Variants in MYH13 observed in about 807,000 individuals in gnomAD.
MYH13 encodes myosin heavy chain 13.
In MYH13, 177 loss-of-function variants were observed where a neutral mutation model predicts 232.1. The observed-to-expected ratio is 0.76, with a 90% confidence interval of 0.67 to 0.86. MYH13 has a LOEUF of 0.86. Ranked by LOEUF, MYH13 falls within the 40% of genes least tolerant of loss-of-function variation. The pLI, the probability that MYH13 is intolerant of heterozygous loss-of-function variation, is 0.00. For missense variants in MYH13, 2,246 were observed against 2,405.9 expected, an observed-to-expected ratio of 0.93 and a Z score of 1.39; for synonymous variants, 884 against 923.5, an observed-to-expected ratio of 0.96 and a Z score of 0.78.
rs775259767 is a variant in MYH13 at position 10,303,491 on chromosome 17, T to A, written c.5474A>T (p.Glu1825Val). ...QIQKLENRVRELENELDVEQK... is the reference protein window; with the variant it reads ...QIQKLENRVRVLENELDVEQK... ...TTCCACATCAAGCTCATTTTCCAGC[T>A]CCCGCACCTGAGTAGGATGAAAGGA... The change falls in exon 38 of 41, where the codon GAG becomes GTG. Residue 1825 changes from glutamate (E) to valine (V), a missense_variant. By Grantham distance (121) the Glu-to-Val change is moderately radical. Transcript: ENST00000252172. 3 of 1,613,714 alleles carry A rather than the reference T, an allele frequency of 1.9e-6. No homozygotes were observed. The highest frequency in any genetic ancestry group is 2.5e-6 in the Non-Finnish European group (3 of 1,179,736).
intron 37 of MYH13, among the ~76,000 whole-genome samples, chr17:10,305,493 T>C (rs1342403560): frequency 2.0e-5 from 3 of 152,214 alleles, no homozygotes; most frequent in South Asian, 4.1e-4. Context: ...ACCATGTGCC[T>C]GGGGAGGATA....
chr17:10,312,196 AAGG>A (rs1906531207), intron 31 of MYH13, 120 bp from the exon 32 acceptor site: 5 of 1,106,336 alleles, frequency 4.5e-6, no homozygotes, highest in Middle Eastern at 3.0e-4. Context: ...GGGACTGAAG[AAGG>A]AGGAGGAGCA....
chr17:10,345,798 T>G lies in MYH13; in HGVS notation c.1264-182A>C, dbSNP rs537103076. 6.1e-4 allele frequency among the ~76,000 whole-genome samples: 92 copies of G among 151,856 alleles called. 1 individual carries two copies. In the Middle Eastern group the frequency reaches 0.014, roughly 23 times the overall value. On this transcript the variant is annotated intron_variant, in intron 13 of 40. Coordinates refer to ENST00000252172, the MANE Select transcript of MYH13 (RefSeq NM_003802.3). ...TCACGAGGTCAGGAGTTCAAGACCA[T>G]CCTGGCCAACATGGTGAAACCCCGT... is the stretch of plus-strand genomic sequence containing the variant.
chr17:10,360,383 G>T (rs2071782640), intron 5 of MYH13, among the ~76,000 whole-genome samples, 195 bp from the exon 6 acceptor site: 1 of 152,146 alleles, frequency 6.6e-6, no homozygotes, highest in Non-Finnish European at 1.5e-5. Context: ...TGTGCAACAT[G>T]ACCAGCCTGG....
chr17:10,360,558 A>G (rs1376561618), intron 5 of MYH13, among the ~76,000 whole-genome samples: 1 of 152,188 alleles, frequency 6.6e-6, no homozygotes, highest in Admixed American at 6.5e-5. Flanking sequence ...ATCAGCATTT[A>G]TAGATGCTGG....
At position 10,330,398 on chromosome 17, in the gene MYH13, C is replaced by T; in HGVS notation, c.2424G>A (p.Met808Ile). The T allele has an allele frequency of 6.2e-7, 1 of 1,613,660 alleles. No homozygotes were observed. The highest frequency in any genetic ancestry group is 8.5e-7 in the Non-Finnish European group (1 of 1,179,746). The change falls in exon 21 of 41, where the codon ATG becomes ATA. Residue 808 changes from methionine to isoleucine, a missense_variant. By Grantham distance (10) the Met-to-Ile change is conservative (BLOSUM62 1). Coordinates refer to ENST00000252172, the MANE Select transcript of MYH13 (RefSeq NM_003802.3). Reference protein sequence around the residue: ...GYLMRVEFKKMMERRDSIFCI... With the variant: ...GYLMRVEFKKIMERRDSIFCI... ...AGGGTCTGTGTCACCTCCTCTCCAT[C>T]ATCTTCTTGAACTCCACCCGCATCA...
chr17:10,334,997 G>C (rs1281423338), intron 18 of MYH13, among the ~76,000 whole-genome samples: 6 of 152,200 alleles, frequency 3.9e-5, no homozygotes, highest in Non-Finnish European at 7.3e-5. Flanking sequence ...ATGATTCTGA[G>C]TGGTTAAGAT....
chr17:10,328,080 A>G lies in MYH13; in HGVS notation c.2477T>C (p.Met826Thr). ...CATCCAGGGCCAGTGCTTGACGTTC[A>G]TAAAAGAGCGGATGTTGTACTGGAT... ...FCIQYNIRSF[M>T]NVKHWPWMNL... Residue 826 changes from methionine to threonine, a missense_variant, in exon 22 of 41, where the codon ATG becomes ACG. Met to Thr is a moderately conservative substitution (Grantham distance 81, BLOSUM62 -1). Transcript: ENST00000252172. 1 of 1,614,144 alleles carries G rather than the reference A, an allele frequency of 6.2e-7. No homozygotes were observed. The highest frequency in any genetic ancestry group is 1.1e-5 in the South Asian group (1 of 91,072).
chr17:10,365,681 C>T (rs2071828297), intron 2 of MYH13, among the ~76,000 whole-genome samples: 1 of 152,180 alleles, frequency 6.6e-6, no homozygotes, highest in Non-Finnish European at 1.5e-5. Context: ...TCAGCACCTG[C>T]TTTTTAACAA....
At chr17:10,348,665 A>G (rs573116327) in intron 12 of MYH13, among the ~76,000 whole-genome samples, 4 of 151,812 alleles carry the variant, frequency 2.6e-5, no homozygotes, top group African/African-American at 4.8e-5. Context: ...AATGCAGTCC[A>G]CTGTTGCTGA....
chr17:10,337,366 G>A (rs1010011400), intron 18 of MYH13, among the ~76,000 whole-genome samples: 1 of 152,160 alleles, frequency 6.6e-6, no homozygotes, highest in Non-Finnish European at 1.5e-5. Flanking sequence ...AGAGGAGAAC[G>A]AGAGGAGTAG....
In MYH13 at chr17:10,320,227, T is replaced by C; in HGVS notation, c.3274A>G (p.Ser1092Gly). 6.2e-7 allele frequency: 1 copy of C among 1,604,776 alleles called. No homozygotes were observed. Among genetic ancestry groups the C allele is most frequent in the Non-Finnish European group, 8.5e-7 (1 of 1,175,344 alleles). ...EKLKKKEFEL[S>G]QLQAKIDDEQ... ...TCATCTATTTTGGCTTGTAACTGAC[T>C]GAGTTCAAACTCCTTCCTGCAAATA... The change falls in exon 26 of 41, where the codon AGT becomes GGT. Residue 1092 changes from serine (S) to glycine (G), a missense_variant. Physicochemically the swap from Ser to Gly is moderately conservative, Grantham distance 56. Transcript: ENST00000252172.
chr17:10,316,154 G>A lies in MYH13; in HGVS notation c.3739-129C>T, dbSNP rs1020592337. 5 of 1,210,604 alleles carry A rather than the reference G, an allele frequency of 4.1e-6. No homozygotes were observed. In the African/African-American group the frequency reaches 6.2e-5, roughly 15 times the overall value. The allele number at this position is 1,210,604 out of a possible 1,614,324, so 75.0% of individuals were successfully genotyped here. On this transcript the variant is annotated intron_variant, in intron 27 of 40. Transcript: ENST00000252172. ...AAATAAAAGTACAGAACAAAAAAAA[G>A]TTCAGTTTCAAAAAAATCATAATCG...
intron 22 of MYH13, 138 bp from the exon 23 acceptor site, chr17:10,324,402 A>AGTGTGTG: frequency 1.1e-6 from 1 of 921,956 alleles, no homozygotes; most frequent in Non-Finnish European, 1.6e-6. Flanking sequence ...GCACATGTGC[A>AGTGTGTG]CACACTGCAC....
intron 35 of MYH13, among the ~76,000 whole-genome samples, chr17:10,308,443 CT>C (rs57432823): frequency 8.7e-4 from 98 of 113,086 alleles, no homozygotes; most frequent in Non-Finnish European, 1.3e-3. Context: ...TTAATTAAAA[CT>C]TTTTTTTTTT....
chr17:10,306,802 C>T lies in MYH13; in HGVS notation c.5295+137G>A. 1 of 1,535,044 alleles carries T rather than the reference C, an allele frequency of 6.5e-7. No homozygotes were observed. Among genetic ancestry groups the T allele is most frequent in the South Asian group, 1.2e-5 (1 of 80,046 alleles). ...CACTTTGCCACTGCTGAGACTGTAC[C>T]TCATTACATCTGTCTGGGAAGCCAC... On this transcript the variant is annotated intron_variant, in intron 36 of 40. Coordinates refer to ENST00000252172, the MANE Select transcript of MYH13 (RefSeq NM_003802.3). This position sits in a 1 kb window ranked among gnomAD's most constrained non-coding sequence, Gnocchi z 4.3.
intron 13 of MYH13, 47 bp from the exon 14 acceptor site, chr17:10,345,663 G>C: frequency 6.2e-7 from 1 of 1,613,672 alleles, no homozygotes; most frequent in Admixed American, 1.7e-5. Flanking sequence ...TGTTTCTATG[G>C]CTGCATTAAG....
chr17:10,355,168 A>G, intron 8 of MYH13, 21 bp from the exon 9 acceptor site: 1 of 1,559,092 alleles, frequency 6.4e-7, no homozygotes, highest in South Asian at 1.2e-5. Context: ...ACAGGTGGAC[A>G]AATGTTACGG....
intron 6 of MYH13, 23 bp downstream of exon 6, chr17:10,360,138 T>A (rs2071780717): frequency 2.5e-6 from 4 of 1,614,030 alleles, no homozygotes; most frequent in Admixed American, 1.7e-5. Context: ...CAAGTCATGA[T>A]GGTACAAAGA....
Sources: gnomAD v4.1 joint callset for allele counts (sites outside exome capture counted in the v4.1 genomes callset) on GRCh38, gnomAD v4.1.1 for gene constraint, Gnocchi (gnomAD v3.1) non-coding constraint, MANE v1.5 for transcripts, NCBI Gene and HGNC (gene_info 2026-07-23, HGNC 2026-07-21) for gene names.